NPSR1: variants seen among roughly 807,000 people sequenced by gnomAD.
NPSR1 encodes neuropeptide S receptor.
In NPSR1, 48 loss-of-function variants were observed where a neutral mutation model predicts 46.9. The observed-to-expected ratio is 1.02, with a 90% confidence interval of 0.81 to 1.30. NPSR1 has a LOEUF of 1.30. Ranked by LOEUF, NPSR1 falls within the 50% of genes most tolerant of loss-of-function variation. The pLI is 0.00. For missense variants in NPSR1, 450 were observed against 449.5 expected (o/e 1.00, Z -0.01); for synonymous variants, 176 against 168.1 (o/e 1.05, Z -0.36).
chr7:34,772,843 G>T (rs1160208139), intron 2 of NPSR1, among the ~76,000 whole-genome samples: 1 of 152,084 alleles, frequency 6.6e-6, no homozygotes. Flanking sequence ...TTCTCATTGT[G>T]TAAAAACAGC....
At chr7:34,809,623 C>G (rs959181665) in intron 3 of NPSR1, among the ~76,000 whole-genome samples, 1 of 152,032 alleles carries the variant, frequency 6.6e-6, no homozygotes, top group African/African-American at 2.4e-5. Context: ...GCCACTACGC[C>G]CGGCTAATTT....
chr7:34,778,603 T>C lies in NPSR1; in HGVS notation c.384+38T>C, dbSNP rs572479657. Reference sequence around the variant, plus strand: ...TTCCAAATGTGATGAGACAAACTGATACCAGAGTTAGCTTTTAGATTTATC... The same window carrying C: ...TTCCAAATGTGATGAGACAAACTGACACCAGAGTTAGCTTTTAGATTTATC... On this transcript the variant is annotated intron_variant, in intron 3 of 8. Transcript: ENST00000360581. 3.2e-6 allele frequency: 4 copies of C among 1,257,108 alleles called. No individual in the cohort carries two copies. In the South Asian group the frequency reaches 4.9e-5, roughly 15 times the overall value. 77.9% of individuals were successfully genotyped at this position (1,257,108 alleles called of 1,614,324 possible).
At chr7:34,668,080 C>G (rs1042127714) in intron 1 of NPSR1, among the ~76,000 whole-genome samples, 1 of 152,050 alleles carries the variant, frequency 6.6e-6, no homozygotes, top group Non-Finnish European at 1.5e-5. Flanking sequence ...CTTAAAGAAG[C>G]CAAAACTCTT....
At chr7:34,668,344 T>G (rs1000404470) in intron 1 of NPSR1, among the ~76,000 whole-genome samples, 1 of 152,222 alleles carries the variant, frequency 6.6e-6, no homozygotes, top group African/African-American at 2.4e-5. Context: ...TAGAAGATAT[T>G]CTTTTGGCTA....
chr7:34,697,503 C>T (rs1008349572), intron 2 of NPSR1, among the ~76,000 whole-genome samples: 7 of 151,854 alleles, frequency 4.6e-5, no homozygotes, highest in East Asian at 3.8e-4. Flanking sequence ...TACAAAAATT[C>T]GAGGATGCTT....
rs1793922068 is a variant in NPSR1, at chr7:34,703,144, G to A, written c.280+18460G>A. Among the ~76,000 whole-genome samples, 5 of 152,186 alleles carry A rather than the reference G, an allele frequency of 3.3e-5. 1 individual carries two copies. The highest frequency in any genetic ancestry group is 3.3e-4 in the Admixed American group (5 of 15,280). On this transcript the variant is annotated intron_variant, in intron 2 of 8. Transcript: ENST00000360581. Reference sequence around the variant, plus strand: ...GGAGGCCAAGGCGGGCGGATCACGAGGTCAGGAGATCGAGACCATCCTGGC... The same window carrying A: ...GGAGGCCAAGGCGGGCGGATCACGAAGTCAGGAGATCGAGACCATCCTGGC...
chr7:34,772,142 A>G (rs1786714849), intron 2 of NPSR1, among the ~76,000 whole-genome samples: 1 of 152,218 alleles, frequency 6.6e-6, no homozygotes, highest in East Asian at 1.9e-4. Context: ...AATTCATTCA[A>G]GCATGTTCTC....
intron 2 of NPSR1, among the ~76,000 whole-genome samples, chr7:34,776,048 C>T (rs1786941179): frequency 2.0e-5 from 3 of 152,052 alleles, no homozygotes; most frequent in African/African-American, 7.2e-5. Context: ...CAAAATTCCT[C>T]TTGTTATTGA....
At chr7:34,793,880 T>G (rs1297465133) in intron 3 of NPSR1, among the ~76,000 whole-genome samples, 1 of 152,166 alleles carries the variant, frequency 6.6e-6, no homozygotes, top group Non-Finnish European at 1.5e-5. Context: ...TGCAATACTA[T>G]TCATTCATAA....
At chr7:34,730,930 A>C (rs1286661795) in intron 2 of NPSR1, among the ~76,000 whole-genome samples, 1 of 152,204 alleles carries the variant, frequency 6.6e-6, no homozygotes, top group Non-Finnish European at 1.5e-5. Flanking sequence ...GTAGGAGAGG[A>C]GAGGGGCAGG....
intron 8 of NPSR1, among the ~76,000 whole-genome samples, chr7:34,865,781 G>GAA (rs1791300046): frequency 6.6e-6 from 1 of 151,694 alleles, no homozygotes; most frequent in African/African-American, 2.4e-5. Flanking sequence ...AGTTAAAGGA[G>GAA]AAACAGCCCT....
At chr7:34,753,715 C>T (rs73325853) in intron 2 of NPSR1, 10,089 of 151,978 alleles carry the variant, frequency 0.066, 956 homozygotes, top group African/African-American at 0.21. Context: ...AAGAGACGCC[C>T]CTGTCCAAAA....
rs371782939 is a variant in NPSR1, at chr7:34,658,568, C to G, written c.147+9C>G. On this transcript the variant is annotated intron_variant, in intron 1 of 8. Coordinates refer to ENST00000360581, the MANE Select transcript of NPSR1 (RefSeq NM_207172.2). ...TCTACTACTCCTTTAAGGTAAGTTT[C>G]TTGCCTGCGACTCTGAACACTGACT... The G allele has an allele frequency of 1.1e-5, 18 of 1,613,324 alleles. No homozygotes were observed. Among genetic ancestry groups the G allele is most frequent in the Admixed American group, 1.7e-5 (1 of 59,976 alleles).
chr7:34,807,965 G>T (rs1788791847), intron 3 of NPSR1, among the ~76,000 whole-genome samples: 1 of 145,086 alleles, frequency 6.9e-6, no homozygotes, highest in African/African-American at 2.5e-5. Context: ...TATAAGAAAA[G>T]GGAACTTCAC....
intron 2 of NPSR1, among the ~76,000 whole-genome samples, chr7:34,690,380 C>T (rs1033449400): frequency 6.6e-6 from 1 of 152,290 alleles, no homozygotes; most frequent in South Asian, 2.1e-4. Context: ...ATCACACTAA[C>T]TCTCCAGTAA....
At chr7:34,836,607 A>G (rs1409193745) in intron 6 of NPSR1, among the ~76,000 whole-genome samples, 1 of 151,746 alleles carries the variant, frequency 6.6e-6, no homozygotes, top group Admixed American at 6.6e-5. Flanking sequence ...AGTGAGAGAG[A>G]AAGAGTGAGG....
At chr7:34,661,926 G>T (rs2099831891) in intron 1 of NPSR1, among the ~76,000 whole-genome samples, 1 of 152,082 alleles carries the variant, frequency 6.6e-6, no homozygotes, top group South Asian at 2.1e-4. Context: ...AATAAATGAG[G>T]TATCTGAATA....
intron 1 of NPSR1, among the ~76,000 whole-genome samples, chr7:34,679,943 AT>A (rs1214002823): frequency 3.9e-5 from 6 of 152,118 alleles, no homozygotes; most frequent in African/African-American, 1.4e-4. Context: ...GAGATAAAAA[AT>A]ATCAAAAATT....
At chr7:34,792,703 A>ATATATATATATTTATATATATATG (rs1787976350) in intron 3 of NPSR1, among the ~76,000 whole-genome samples, 6 of 88,556 alleles carry the variant, frequency 6.8e-5, no homozygotes, top group East Asian at 3.3e-4. Context: ...ATATATACGT[A>ATATATATATATTTATATATATATG]TATATATATA....
Sources: gnomAD v4.1 joint callset for allele counts (sites outside exome capture counted in the v4.1 genomes callset) on GRCh38, gnomAD v4.1.1 for gene constraint, MANE v1.5 for transcripts, NCBI Gene and HGNC (gene_info 2026-07-23, HGNC 2026-07-21) for gene names.